Variants in TTC28 observed in about 807,000 individuals in gnomAD.
TTC28 encodes the protein tetratricopeptide repeat domain 28.
TTC28 carries 61 observed loss-of-function variants against 198.0 expected under a neutral mutation model. The observed-to-expected ratio is 0.31, with a 90% CI of 0.25 to 0.38. The LOEUF (loss-of-function observed/expected upper bound fraction) is 0.38. Among genes scored for constraint, TTC28 ranks in the 10% least tolerant of loss-of-function variants. The probability of loss-of-function intolerance (pLI) is 1.00; values close to 1 mark genes in which losing one functional copy is unlikely to be tolerated. For missense variants in TTC28, 2,678 were observed against 3,164.0 expected, an observed-to-expected ratio of 0.85 and a Z score of 3.69; for synonymous variants, 1,171 against 1,297.8, an observed-to-expected ratio of 0.90 and a Z score of 2.10.
intron 2 of TTC28, among the ~76,000 whole-genome samples, chr22:28,480,053 C>T (rs1195775488): frequency 6.6e-6 from 1 of 152,176 alleles, no homozygotes; most frequent in Non-Finnish European, 1.5e-5. Context: ...GCTCCTATCA[C>T]AGAAGATGAG....
intron 2 of TTC28, among the ~76,000 whole-genome samples, chr22:28,314,296 T>C (rs879771949): frequency 5.3e-5 from 8 of 152,288 alleles, no homozygotes; most frequent in Non-Finnish European, 1.2e-4. Flanking sequence ...CCCAAAGTAA[T>C]TTATAGATTC....
At chr22:28,349,616 C>T (rs2045962145) in intron 2 of TTC28, among the ~76,000 whole-genome samples, 1 of 152,196 alleles carries the variant, frequency 6.6e-6, no homozygotes, top group Non-Finnish European at 1.5e-5. Flanking sequence ...TTAGGCAAGT[C>T]ACAACCTCTC....
At chr22:28,505,891 G>C (rs74794874) in intron 2 of TTC28, among the ~76,000 whole-genome samples, 2,115 of 152,350 alleles carry the variant, frequency 0.014, 22 homozygotes, top group Non-Finnish European at 0.024. Flanking sequence ...AGTTGGAACG[G>C]AGTTCCCGGG....
chr22:28,091,212 T>C (rs746494776), intron 12 of TTC28, among the ~76,000 whole-genome samples: 24 of 152,324 alleles, frequency 1.6e-4, no homozygotes, highest in Non-Finnish European at 3.2e-4. Context: ...TCCAGTATCA[T>C]AGAAAAGAAC....
chr22:28,223,011 GA>G (rs536676854), intron 5 of TTC28, among the ~76,000 whole-genome samples: 83 of 152,296 alleles, frequency 5.4e-4, no homozygotes, highest in African/African-American at 2.0e-3. Flanking sequence ...GACAAAAAGG[GA>G]ATTAATTTGC....
chr22:28,391,536 C>T (rs1224931236), intron 2 of TTC28, among the ~76,000 whole-genome samples: 4 of 152,072 alleles, frequency 2.6e-5, no homozygotes, highest in African/African-American at 7.2e-5. Flanking sequence ...AGGTTTTGCT[C>T]GTTTCTTTTT....
intron 5 of TTC28, among the ~76,000 whole-genome samples, chr22:28,244,121 A>T (rs1929902578): frequency 6.6e-6 from 1 of 152,320 alleles, no homozygotes; most frequent in Middle Eastern, 3.4e-3. Flanking sequence ...AAACATGGCA[A>T]TAAGTTAGAC....
intron 1 of TTC28, among the ~76,000 whole-genome samples, chr22:28,636,674 T>C (rs1222986617): frequency 6.6e-6 from 1 of 152,180 alleles, no homozygotes; most frequent in Non-Finnish European, 1.5e-5. Flanking sequence ...TAGGTCTTCT[T>C]TGTACAAATT....
chr22:28,393,071 T>A (rs1404637231), intron 2 of TTC28, among the ~76,000 whole-genome samples: 2 of 152,024 alleles, frequency 1.3e-5, no homozygotes, highest in Non-Finnish European at 2.9e-5. Context: ...TTTGTAGAGA[T>A]GAGGTCTTGC....
chr22:28,134,659 A>G (rs563003298), intron 6 of TTC28, among the ~76,000 whole-genome samples: 2 of 152,322 alleles, frequency 1.3e-5, no homozygotes, highest in African/African-American at 4.8e-5. Context: ...AAAAGAGTAA[A>G]AAGAAATGAA....
chr22:28,337,413 T>C (rs2145894678), intron 2 of TTC28, among the ~76,000 whole-genome samples: 1 of 152,286 alleles, frequency 6.6e-6, no homozygotes, highest in East Asian at 1.9e-4. Context: ...TTCTGTCTCG[T>C]TGATCTGTCT....
At position 28,462,713 on chromosome 22, in the gene TTC28, A is replaced by G. The variant is rs578163765; in HGVS notation, c.382-156070T>C. ...AATAAAAATTGAGAATACCTGTAGT[A>G]AGAGAAGATTGGCATCTCATTCCCC... On this transcript the variant is annotated intron_variant, in intron 2 of 22. Transcript: ENST00000397906. Among the ~76,000 whole-genome samples the G allele has an allele frequency of 7.2e-5, 11 of 152,320 alleles. No individual in the cohort carries two copies. The East Asian group carries it at 1.9e-3, about 27-fold the overall frequency.
At chr22:28,266,724 T>C (rs975783348) in intron 5 of TTC28, among the ~76,000 whole-genome samples, 6 of 152,108 alleles carry the variant, frequency 3.9e-5, no homozygotes, top group East Asian at 3.9e-4. Context: ...GTAAGCCCCA[T>C]GGAACCCAGC....
chr22:28,168,028 C>T (rs537197581), intron 5 of TTC28, among the ~76,000 whole-genome samples: 5 of 152,262 alleles, frequency 3.3e-5, no homozygotes, highest in South Asian at 2.1e-4. Flanking sequence ...ACACCAAAAA[C>T]AGACAAACAG....
At chr22:28,579,681 C>T (rs750387705) in intron 2 of TTC28, among the ~76,000 whole-genome samples, 4 of 150,346 alleles carry the variant, frequency 2.7e-5, no homozygotes, top group East Asian at 2.0e-4. Context: ...CAAAAAAAAC[C>T]GAAGGGCTGA....
intron 2 of TTC28, among the ~76,000 whole-genome samples, chr22:28,450,550 T>G (rs911092049): frequency 1.3e-5 from 2 of 152,160 alleles, no homozygotes; most frequent in African/African-American, 4.8e-5. Flanking sequence ...ACACAATATA[T>G]CCCATACGTA....
At chr22:28,451,009 A>G (rs1372699857) in intron 2 of TTC28, among the ~76,000 whole-genome samples, 1 of 152,170 alleles carries the variant, frequency 6.6e-6, no homozygotes, top group African/African-American at 2.4e-5. Flanking sequence ...GTGTTTAAGG[A>G]GGATAAAGTA....
chr22:28,468,984 A>G (rs1325951793), intron 2 of TTC28, among the ~76,000 whole-genome samples: 1 of 152,128 alleles, frequency 6.6e-6, no homozygotes, highest in African/African-American at 2.4e-5. Context: ...TTTCAAGAAC[A>G]TGCATTTATT....
At chr22:28,502,321 G>A (rs947215934) in intron 2 of TTC28, among the ~76,000 whole-genome samples, 13 of 152,196 alleles carry the variant, frequency 8.5e-5, no homozygotes, top group Admixed American at 1.3e-4. Flanking sequence ...AGTAGGAATC[G>A]TGCAGGATCC....
Sources: allele counts gnomAD v4.1 joint callset (sites outside exome capture counted in the v4.1 genomes callset), GRCh38; gene constraint gnomAD v4.1.1; transcripts MANE v1.5; gene names NCBI Gene and HGNC (gene_info 2026-07-23, HGNC 2026-07-21).